L3MBTL4: variants seen among roughly 807,000 people sequenced by gnomAD.
The protein encoded by L3MBTL4 is L3MBTL histone methyl-lysine binding protein 4.
L3MBTL4 carries 70 observed loss-of-function variants against 84.5 expected under a neutral mutation model. The ratio of observed to expected loss-of-function variants is 0.83; its 90% CI spans 0.68 to 1.01. L3MBTL4 has a LOEUF of 1.01. L3MBTL4 is among the 50% of genes least tolerant of loss of function. The pLI is 0.00. For synonymous variants in L3MBTL4, 274 were observed against 259.8 expected, an observed-to-expected ratio of 1.05 and a Z score of -0.52; for missense variants, 715 against 754.8, an observed-to-expected ratio of 0.95 and a Z score of 0.62.
chr18:6,171,611 A>G (rs1185477110), intron 13 of L3MBTL4, among the ~76,000 whole-genome samples: 1 of 152,232 alleles, frequency 6.6e-6, no homozygotes, highest in Non-Finnish European at 1.5e-5. Context: ...GGAAAACACT[A>G]TCAAAATAAT....
chr18:6,302,072 G>A (rs1021104734), intron 3 of L3MBTL4, 115 bp from the exon 4 acceptor site: 54 of 879,442 alleles, frequency 6.1e-5, no homozygotes, highest in Non-Finnish European at 9.0e-5. Flanking sequence ...TCACTGAGGC[G>A]GACAACGCAC....
rs368260782 is a variant in L3MBTL4, at chr18:6,144,014, G to A, written c.1097-5718C>T. Among the ~76,000 whole-genome samples, 148 of 151,976 alleles carry A rather than the reference G, an allele frequency of 9.7e-4. 1 individual carries two copies. Among genetic ancestry groups the A allele is most frequent in the Middle Eastern group, 3.4e-3 (1 of 294 alleles). On this transcript the variant is annotated intron_variant, in intron 13 of 18. Coordinates refer to ENST00000317931, the MANE Select transcript of L3MBTL4 (RefSeq NM_001330559.2). ...AGATCGAGACTATCCTGGCTAACAC[G>A]GTGAAACCCCGTCTCTACTAAAAAT...
chr18:6,120,637 T>G (rs958811265), intron 14 of L3MBTL4, among the ~76,000 whole-genome samples: 1 of 152,158 alleles, frequency 6.6e-6, no homozygotes, highest in African/African-American at 2.4e-5. Flanking sequence ...TTCCAGTCAC[T>G]CCCTGTAGGG....
chr18:6,328,321 T>C (rs1599656697), intron 1 of L3MBTL4, among the ~76,000 whole-genome samples: 1 of 152,130 alleles, frequency 6.6e-6, no homozygotes, highest in South Asian at 2.1e-4. Flanking sequence ...GACTAGCTGG[T>C]AGCAGAGCTA....
intron 14 of L3MBTL4, 62 bp downstream of exon 14, chr18:6,138,132 G>T: frequency 8.9e-7 from 1 of 1,122,322 alleles, no homozygotes; most frequent in Non-Finnish European, 1.3e-6. Context: ...GCTCCATGTA[G>T]CTGCTAATCT....
At chr18:6,168,778 A>G (rs1413391888) in intron 13 of L3MBTL4, among the ~76,000 whole-genome samples, 3 of 152,224 alleles carry the variant, frequency 2.0e-5, no homozygotes, top group African/African-American at 7.2e-5. Context: ...CAAGGACTTC[A>G]TGTCTAAAAC....
intron 13 of L3MBTL4, among the ~76,000 whole-genome samples, chr18:6,170,106 A>T (rs550541163): frequency 2.0e-5 from 3 of 152,290 alleles, no homozygotes; most frequent in South Asian, 4.1e-4. Context: ...TATTTTATAG[A>T]TGAGGAAACT....
intron 16 of L3MBTL4, among the ~76,000 whole-genome samples, chr18:5,990,762 T>C (rs1463787564): frequency 7.3e-6 from 1 of 137,508 alleles, no homozygotes; most frequent in African/African-American, 3.1e-5. Flanking sequence ...TTTAGTAGGG[T>C]TCATGTGGGT....
chr18:6,001,581 AT>A (rs1159096094), intron 16 of L3MBTL4, among the ~76,000 whole-genome samples: 9 of 152,220 alleles, frequency 5.9e-5, no homozygotes, highest in Non-Finnish European at 8.8e-5. Context: ...CAACAAAAAA[AT>A]ACGTGGTATA....
intron 13 of L3MBTL4, among the ~76,000 whole-genome samples, chr18:6,144,050 G>A (rs564039352): frequency 3.0e-4 from 46 of 151,876 alleles, no homozygotes; most frequent in Middle Eastern, 6.8e-3. Flanking sequence ...ACAAAGAATT[G>A]GCTGGGCATG....
chr18:6,100,594 A>G (rs1330755973), intron 14 of L3MBTL4, among the ~76,000 whole-genome samples: 1 of 152,148 alleles, frequency 6.6e-6, no homozygotes, highest in Non-Finnish European at 1.5e-5. Context: ...GTGGGACTCT[A>G]GCTCCTATTC....
chr18:6,046,272 C>A (rs1388834976), intron 16 of L3MBTL4, among the ~76,000 whole-genome samples: 3 of 152,150 alleles, frequency 2.0e-5, no homozygotes, highest in East Asian at 1.9e-4. Context: ...ACTTCTAGAC[C>A]TACAGAAAGA....
intron 14 of L3MBTL4, among the ~76,000 whole-genome samples, chr18:6,120,904 TATA>T (rs2059500830): frequency 6.6e-6 from 1 of 152,170 alleles, no homozygotes; most frequent in Non-Finnish European, 1.5e-5. Context: ...TAGGAGCTAT[TATA>T]AATAGCGCTG....
intron 4 of L3MBTL4, among the ~76,000 whole-genome samples, chr18:6,276,761 A>G (rs2049097348): frequency 6.6e-6 from 1 of 152,118 alleles, no homozygotes; most frequent in African/African-American, 2.4e-5. Flanking sequence ...AGACAACAGT[A>G]AGTGTTAAGA....
chr18:6,066,822 T>A (rs938173537), intron 16 of L3MBTL4, among the ~76,000 whole-genome samples: 5 of 152,114 alleles, frequency 3.3e-5, no homozygotes, highest in Non-Finnish European at 5.9e-5. Context: ...CCATTCTGTA[T>A]CTTTTAAGTA....
chr18:6,035,418 T>A (rs2056080928), intron 16 of L3MBTL4, among the ~76,000 whole-genome samples: 1 of 150,832 alleles, frequency 6.6e-6, no homozygotes, highest in Admixed American at 6.6e-5. Context: ...CCTTTCCCCA[T>A]TGCTTGTTTT....
In L3MBTL4 at chr18:6,031,131, A is replaced by G. The variant is rs657750; in HGVS notation, c.1444+49750T>C. 4.1e-3 allele frequency: 4,078 copies of G among 985,448 alleles called. 104 individuals carry two copies. The African/African-American group carries it at 0.066, about 16-fold the overall frequency. The allele number at this position is 985,448 out of a possible 1,614,324, so 61.0% of individuals were successfully genotyped here. On this transcript the variant is annotated intron_variant, in intron 16 of 18. Coordinates refer to ENST00000317931, the MANE Select transcript of L3MBTL4 (RefSeq NM_001330559.2). ...ATGGAGAAAAGCCACACGTGATCCA[A>G]GTTCTAAACCCAGCTCTTGTCCTGA...
At chr18:6,052,437 GCTAA>G (rs1316385377) in intron 16 of L3MBTL4, among the ~76,000 whole-genome samples, 1 of 152,122 alleles carries the variant, frequency 6.6e-6, no homozygotes, top group Non-Finnish European at 1.5e-5. Context: ...TTTATATATA[GCTAA>G]CTTTTAATAA....
At chr18:5,965,753 T>C (rs1057440920) in intron 17 of L3MBTL4, among the ~76,000 whole-genome samples, 3 of 152,148 alleles carry the variant, frequency 2.0e-5, no homozygotes, top group Non-Finnish European at 4.4e-5. Flanking sequence ...TGTGCTGTAG[T>C]GTGTGAGGAC....
Sources: gnomAD v4.1 joint callset for allele counts (sites outside exome capture counted in the v4.1 genomes callset) on GRCh38, gnomAD v4.1.1 for gene constraint, MANE v1.5 for transcripts, NCBI Gene and HGNC (gene_info 2026-07-23, HGNC 2026-07-21) for gene names.